RORA: variants seen among roughly 807,000 people sequenced by gnomAD.
RORA encodes RAR related orphan receptor A, also known as nuclear receptor ROR-alpha.
In RORA, 7 loss-of-function variants were observed where a neutral mutation model predicts 69.5. The observed-to-expected ratio is 0.10, with a 90% confidence interval of 0.06 to 0.19. The LOEUF is 0.19. Ranked by LOEUF, RORA falls within the 10% of genes least tolerant of loss-of-function variation. RORA has a pLI of 1.00. For missense variants in RORA, 457 were observed against 663.0 expected, an observed-to-expected ratio of 0.69 and a Z score of 3.41; for synonymous variants, 261 against 240.8, an observed-to-expected ratio of 1.08 and a Z score of -0.78.
intron 1 of RORA, among the ~76,000 whole-genome samples, chr15:61,108,607 G>A (rs897040151): frequency 7.2e-5 from 11 of 152,298 alleles, no homozygotes; most frequent in East Asian, 5.8e-4. Flanking sequence ...TTACGGAAAC[G>A]TCTGTAGACC....
In RORA at chr15:60,994,848, C is replaced by A. The variant is rs142920528; in HGVS notation, c.166+234205G>T. Among the ~76,000 whole-genome samples the A allele has an allele frequency of 1.8e-3, 270 of 152,294 alleles. 2 individuals are homozygous for A. Among genetic ancestry groups the A allele is most frequent in the African/African-American group, 6.4e-3 (265 of 41,558 alleles). ...TCACAGGCCTCCTTGAGAAAGCCAACTTTACCAACCTTTTGAAGACCCTTC... is the reference window on the plus strand; with the variant it reads ...TCACAGGCCTCCTTGAGAAAGCCAAATTTACCAACCTTTTGAAGACCCTTC... On this transcript the variant is annotated intron_variant, in intron 1 of 10. Coordinates refer to ENST00000335670, the MANE Select transcript of RORA (RefSeq NM_134261.3).
At chr15:60,868,803 AG>A (rs549352556) in intron 1 of RORA, among the ~76,000 whole-genome samples, 2 of 152,202 alleles carry the variant, frequency 1.3e-5, no homozygotes, top group Non-Finnish European at 2.9e-5. Context: ...AGCATTTTCC[AG>A]GGGGGAAAAA....
At chr15:60,524,922 A>G (rs1478183316) in intron 3 of RORA, among the ~76,000 whole-genome samples, 1 of 152,176 alleles carries the variant, frequency 6.6e-6, no homozygotes, top group Non-Finnish European at 1.5e-5. Flanking sequence ...CGTGTGCCCA[A>G]AGTCACAGAG....
chr15:60,912,294 C>T (rs754431782), intron 1 of RORA, among the ~76,000 whole-genome samples: 14 of 152,064 alleles, frequency 9.2e-5, no homozygotes, highest in Non-Finnish European at 2.1e-4. Flanking sequence ...GGGGGGGCTG[C>T]ATCTGTCGTT....
At chr15:60,894,435 T>C (rs1891174258) in intron 1 of RORA, among the ~76,000 whole-genome samples, 2 of 152,300 alleles carry the variant, frequency 1.3e-5, no homozygotes, top group South Asian at 4.1e-4. Flanking sequence ...AGTCATAAAT[T>C]AGGACCAGAA....
intron 1 of RORA, among the ~76,000 whole-genome samples, chr15:61,006,200 T>A (rs943363977): frequency 6.6e-6 from 1 of 151,924 alleles, no homozygotes; most frequent in Non-Finnish European, 1.5e-5. Flanking sequence ...ATCTCTTGAC[T>A]TCGTGATCTG....
intron 1 of RORA, among the ~76,000 whole-genome samples, chr15:60,943,250 AC>A (rs1479063228): frequency 6.6e-6 from 1 of 152,172 alleles, no homozygotes. Context: ...GTTCTGCAGG[AC>A]ATTTTAAAAG....
intron 1 of RORA, among the ~76,000 whole-genome samples, chr15:61,177,343 C>T (rs531362102): frequency 2.0e-5 from 3 of 152,308 alleles, no homozygotes; most frequent in Admixed American, 1.3e-4. Context: ...TTGGGCTTTT[C>T]ACCCGAGACG....
chr15:60,681,068 A>G (rs1344544121), intron 1 of RORA, among the ~76,000 whole-genome samples: 3 of 152,220 alleles, frequency 2.0e-5, no homozygotes, highest in African/African-American at 4.8e-5. Flanking sequence ...AAATTTAATG[A>G]AAAAAATCAG....
chr15:61,219,101 C>T (rs2080069447), intron 1 of RORA, among the ~76,000 whole-genome samples: 1 of 152,214 alleles, frequency 6.6e-6, no homozygotes, highest in Non-Finnish European at 1.5e-5. Context: ...TTTAGAATGG[C>T]TTTACTGACA....
chr15:60,804,864 GCT>G (rs1567197208), intron 1 of RORA, among the ~76,000 whole-genome samples: 1 of 151,982 alleles, frequency 6.6e-6, no homozygotes. Flanking sequence ...ATTATAATAG[GCT>G]CTCTCTTTCA....
chr15:61,202,146 T>C (rs887497601), intron 1 of RORA, among the ~76,000 whole-genome samples: 5 of 152,066 alleles, frequency 3.3e-5, no homozygotes, highest in African/African-American at 1.2e-4. Context: ...TTGCTGGGAT[T>C]ACAGGTGCGC....
chr15:60,589,925 A>G (rs1481133387), intron 2 of RORA, among the ~76,000 whole-genome samples: 1 of 152,232 alleles, frequency 6.6e-6, no homozygotes, highest in African/African-American at 2.4e-5. Context: ...AAACTGTCTT[A>G]CACATGGAAC....
At chr15:60,641,516 T>C (rs1719795453) in intron 2 of RORA, among the ~76,000 whole-genome samples, 1 of 152,132 alleles carries the variant, frequency 6.6e-6, no homozygotes, top group Non-Finnish European at 1.5e-5. Context: ...TTCAAGTGAT[T>C]CTCCTGCCTC....
intron 1 of RORA, among the ~76,000 whole-genome samples, chr15:60,988,877 G>A (rs1338499733): frequency 6.7e-6 from 1 of 150,176 alleles, no homozygotes; most frequent in East Asian, 1.9e-4. Flanking sequence ...TGATCTCACT[G>A]TCTTTTCTTT....
intron 3 of RORA, among the ~76,000 whole-genome samples, chr15:60,516,031 A>ATT: frequency 9.6e-5 from 1 of 10,388 alleles, no homozygotes; most frequent in East Asian, 5.8e-3. Context: ...TTATATATTT[A>ATT]TATATATTTA....
At chr15:61,044,669 C>A (rs1364364612) in intron 1 of RORA, among the ~76,000 whole-genome samples, 1 of 152,166 alleles carries the variant, frequency 6.6e-6, no homozygotes, top group African/African-American at 2.4e-5. Flanking sequence ...TGTGTCTGTG[C>A]TTATCATATA....
intron 2 of RORA, among the ~76,000 whole-genome samples, chr15:60,572,445 G>A (rs977687014): frequency 6.6e-6 from 1 of 151,810 alleles, no homozygotes; most frequent in African/African-American, 2.4e-5. Context: ...AACCCACAGG[G>A]TTTAATAAAT....
intron 1 of RORA, among the ~76,000 whole-genome samples, chr15:60,767,537 C>CT (rs2072009243): frequency 6.6e-6 from 1 of 152,160 alleles, no homozygotes; most frequent in African/African-American, 2.4e-5. Context: ...AAGCATCCTT[C>CT]TTTTCAATTA....
Sources: allele counts gnomAD v4.1 joint callset (sites outside exome capture counted in the v4.1 genomes callset), GRCh38; gene constraint gnomAD v4.1.1; transcripts MANE v1.5; gene names NCBI Gene and HGNC (gene_info 2026-07-23, HGNC 2026-07-21).